RERE: variants seen among roughly 807,000 people sequenced by gnomAD.
RERE encodes arginine-glutamic acid dipeptide repeats protein.
In RERE, 40 loss-of-function variants were observed where a neutral mutation model predicts 146.1. The observed-to-expected ratio is 0.27, with a 90% CI of 0.21 to 0.36. The LOEUF is 0.36. Ranked by LOEUF, RERE falls within the 10% of genes least tolerant of loss-of-function variation. The pLI is 1.00. For synonymous variants in RERE, 1,003 were observed against 866.0 expected, an observed-to-expected ratio of 1.16 and a Z score of -2.78; for missense variants, 1,933 against 2,138.7, an observed-to-expected ratio of 0.90 and a Z score of 1.90.
At chr1:8,774,976 T>TAAA in intron 1 of RERE, among the ~76,000 whole-genome samples, 1 of 137,458 alleles carries the variant, frequency 7.3e-6, no homozygotes, top group African/African-American at 2.8e-5. Context: ...TTTTTTTTTT[T>TAAA]TTTTTGAAAC....
intron 2 of RERE, among the ~76,000 whole-genome samples, chr1:8,647,808 C>G (rs1647399182): frequency 6.6e-6 from 1 of 152,106 alleles, no homozygotes; most frequent in Non-Finnish European, 1.5e-5. Context: ...CCACTTGCAG[C>G]CTCCACAGAC....
rs142880416 is a variant in RERE at position 8,368,877 on chromosome 1, A to G, written c.1285-2903T>C. ...GGAGTTCAAGACCAGCCTGGGCAAC[A>G]TAGTGAGATTTAGTCCCCCACCTCA... On this transcript the variant is annotated intron_variant, in intron 12 of 22. Transcript: ENST00000400908. Among the ~76,000 whole-genome samples, 430 of 151,878 alleles carry G rather than the reference A, an allele frequency of 2.8e-3. 1 individual carries two copies. The highest frequency in any genetic ancestry group is 9.9e-3 in the African/African-American group (410 of 41,344).
intron 1 of RERE, among the ~76,000 whole-genome samples, chr1:8,785,365 T>C (rs1354822685): frequency 6.6e-6 from 1 of 152,242 alleles, no homozygotes; most frequent in Non-Finnish European, 1.5e-5. Flanking sequence ...AACACCAGAA[T>C]TCAGCATATT....
At chr1:8,420,314 G>A (rs919282320) in intron 12 of RERE, among the ~76,000 whole-genome samples, 3 of 152,088 alleles carry the variant, frequency 2.0e-5, no homozygotes, top group African/African-American at 7.2e-5. Context: ...GAGAGAAAGA[G>A]AGAGAGAATG....
intron 2 of RERE, among the ~76,000 whole-genome samples, chr1:8,642,263 T>C (rs1019336652): frequency 1.3e-5 from 2 of 152,140 alleles, no homozygotes; most frequent in Non-Finnish European, 2.9e-5. Context: ...ATTCTGGAGG[T>C]AGGTACTCTT....
chr1:8,620,490 A>G (rs945739852), intron 3 of RERE, among the ~76,000 whole-genome samples: 2 of 152,038 alleles, frequency 1.3e-5, no homozygotes, highest in African/African-American at 4.8e-5. Context: ...ATTAGGGGTA[A>G]TTCTTGAATT....
chr1:8,423,378 C>T lies in RERE; in HGVS notation c.1204-571G>A. The T allele has an allele frequency of 4.2e-6, 1 of 238,832 alleles. No homozygotes were observed. The highest frequency in any genetic ancestry group is 6.8e-6 in the Non-Finnish European group (1 of 147,024). 14.8% of individuals were successfully genotyped at this position (238,832 alleles called of 1,614,324 possible). A position where few individuals can be genotyped will look rare whatever the true frequency, so the allele number is the denominator to read the frequency against. Reference sequence around the variant, plus strand: ...CTGCCCCACCGTCCGTCATTAAAAGCCACTCCGAGACACCAGAGAATAACC... The same window carrying T: ...CTGCCCCACCGTCCGTCATTAAAAGTCACTCCGAGACACCAGAGAATAACC... On this transcript the variant is annotated intron_variant, in intron 11 of 22. Transcript: ENST00000400908. This position sits in a 1 kb window ranked among gnomAD's most constrained non-coding sequence, Gnocchi z 5.4.
chr1:8,740,522 CT>C (rs531538979), intron 1 of RERE, among the ~76,000 whole-genome samples: 16 of 152,144 alleles, frequency 1.1e-4, no homozygotes, highest in African/African-American at 3.9e-4. Context: ...TTTACTGTAA[CT>C]TTTTTACTTT....
intron 1 of RERE, among the ~76,000 whole-genome samples, chr1:8,705,025 G>A (rs191490191): frequency 1.3e-5 from 2 of 152,306 alleles, no homozygotes; most frequent in East Asian, 1.9e-4. Flanking sequence ...CTAAAGCCTT[G>A]CTACAAAGCT....
chr1:8,652,649 G>A, intron 2 of RERE, among the ~76,000 whole-genome samples: 1 of 152,150 alleles, frequency 6.6e-6, no homozygotes, highest in Non-Finnish European at 1.5e-5. Context: ...GAGAAGGGCT[G>A]AGCAAAGGTG....
At chr1:8,656,540 T>C (rs1463652391) in intron 1 of RERE, 99 bp from the exon 2 acceptor site, 4 of 505,930 alleles carry the variant, frequency 7.9e-6, no homozygotes, top group Non-Finnish European at 6.6e-6. Context: ...GCTTTACACC[T>C]AAAAACTTCG....
At chr1:8,475,215 A>C (rs1471363032) in intron 10 of RERE, among the ~76,000 whole-genome samples, 1 of 151,444 alleles carries the variant, frequency 6.6e-6, no homozygotes, top group Non-Finnish European at 1.5e-5. Flanking sequence ...CTCTACCAAA[A>C]ACACAAAAAT....
chr1:8,398,835 A>T (rs780130133), intron 12 of RERE, among the ~76,000 whole-genome samples: 5 of 152,204 alleles, frequency 3.3e-5, no homozygotes, highest in Non-Finnish European at 5.9e-5. Flanking sequence ...TTTTCACTTC[A>T]TATCTCAACA....
chr1:8,496,879 T>C (rs1256879029), intron 9 of RERE, among the ~76,000 whole-genome samples: 1 of 152,238 alleles, frequency 6.6e-6, no homozygotes, highest in Non-Finnish European at 1.5e-5. Context: ...GGTTTTGTTT[T>C]TGTTTTAAAT....
Position 8,564,854 on chromosome 1 carries a change from GTGTGTGTGTGTGTGTGTA to G in RERE, c.523-7349_523-7332del, listed in dbSNP as rs1023656564. On this transcript the variant is annotated intron_variant, in intron 4 of 22. Coordinates refer to ENST00000400908, the MANE Select transcript of RERE (RefSeq NM_001042681.2). Reference sequence around the variant, plus strand: ...TGTATGTGTGTGTGTGTGTGTGTGTGTGTGTGTGTGTGTGTGTATATATATATATAAAACTACTATTCA... The same window carrying G: ...TGTATGTGTGTGTGTGTGTGTGTGTGTATATATATATAAAACTACTATTCA... 1.1e-4 allele frequency among the ~76,000 whole-genome samples: 16 copies of G among 143,002 alleles called. 1 individual carries two copies. Among genetic ancestry groups the G allele is most frequent in the African/African-American group, 3.7e-4 (14 of 38,002 alleles). The allele number at this position is 143,002 out of a possible 152,430, so 93.8% of individuals were successfully genotyped here.
chr1:8,365,248 A>G (rs1308757366), intron 13 of RERE, among the ~76,000 whole-genome samples: 1 of 152,022 alleles, frequency 6.6e-6, no homozygotes, highest in East Asian at 1.9e-4. Flanking sequence ...CATGCGCAAC[A>G]CCGGCGCCCC....
intron 1 of RERE, among the ~76,000 whole-genome samples, chr1:8,716,078 G>A (rs1334284822): frequency 1.3e-5 from 2 of 151,762 alleles, no homozygotes; most frequent in South Asian, 2.1e-4. Context: ...CATGGAGGGC[G>A]AAGCTGCAGT....
chr1:8,501,031 A>AGG (rs1242373220), intron 8 of RERE, among the ~76,000 whole-genome samples: 16 of 36,292 alleles, frequency 4.4e-4, no homozygotes, highest in African/African-American at 1.6e-3. Flanking sequence ...CCCGTCCGGG[A>AGG]GGGGGGGGGG....
In RERE at chr1:8,603,551, T is replaced by G. The variant is rs78828164; in HGVS notation, c.522+11010A>C. Among the ~76,000 whole-genome samples, 38 of 152,298 alleles carry G rather than the reference T, an allele frequency of 2.5e-4. No homozygotes were observed. In the East Asian group the frequency reaches 6.9e-3, roughly 28 times the overall value. ...ATGTTGGTAGTCAGAACTTTATTGG[T>G]TTTGTAGTTTGGTTTGAAATTAATT... On this transcript the variant is annotated intron_variant, in intron 4 of 22. Coordinates refer to ENST00000400908, the MANE Select transcript of RERE (RefSeq NM_001042681.2).
Sources: gnomAD v4.1 joint callset for allele counts (sites outside exome capture counted in the v4.1 genomes callset) on GRCh38, gnomAD v4.1.1 for gene constraint, Gnocchi (gnomAD v3.1) non-coding constraint, MANE v1.5 for transcripts, NCBI Gene and HGNC (gene_info 2026-07-23, HGNC 2026-07-21) for gene names.